CNTN5: variants seen among roughly 807,000 people sequenced by gnomAD.
CNTN5 encodes contactin 5.
A neutral mutation model predicts 129.1 loss-of-function variants in CNTN5; 77 were observed. The observed-to-expected ratio is 0.60, with a 90% CI of 0.50 to 0.72. The LOEUF is 0.72. Ranked by LOEUF, CNTN5 falls within the 30% of genes least tolerant of loss-of-function variation. CNTN5 has a pLI of 0.00. For missense variants in CNTN5, 1,478 were observed against 1,328.8 expected (o/e 1.11, Z -1.75); for synonymous variants, 509 against 465.6 (o/e 1.09, Z -1.20).
intron 1 of CNTN5, among the ~76,000 whole-genome samples, chr11:99,316,523 T>C (rs1042231796): frequency 6.6e-6 from 1 of 151,934 alleles, no homozygotes; most frequent in East Asian, 1.9e-4. Flanking sequence ...AACATTTAGG[T>C]GTTGTATATC....
At chr11:99,103,883 A>T (rs937488024) in intron 1 of CNTN5, among the ~76,000 whole-genome samples, 1 of 152,162 alleles carries the variant, frequency 6.6e-6, no homozygotes, top group Non-Finnish European at 1.5e-5. Context: ...AAGCCACCAG[A>T]AGGTGGAAGA....
chr11:99,409,397 G>T (rs777085676), intron 2 of CNTN5, among the ~76,000 whole-genome samples: 68 of 152,220 alleles, frequency 4.5e-4, no homozygotes, highest in Non-Finnish European at 8.5e-4. Context: ...GAACCCGGGA[G>T]ATGGAGCTTG....
At chr11:99,975,482 C>T (rs117549531) in intron 8 of CNTN5, among the ~76,000 whole-genome samples, 4,170 of 152,234 alleles carry the variant, frequency 0.027, 96 homozygotes, top group Non-Finnish European at 0.039. Context: ...TTAGCCCATT[C>T]TCACACTGCT....
chr11:99,915,340 T>C (rs2136009104), intron 6 of CNTN5, among the ~76,000 whole-genome samples: 1 of 152,234 alleles, frequency 6.6e-6, no homozygotes, highest in African/African-American at 2.4e-5. Context: ...TTTAGGAAAA[T>C]CTTTTCAAAT....
chr11:99,281,637 T>G (rs2135890062), intron 1 of CNTN5, among the ~76,000 whole-genome samples: 1 of 152,130 alleles, frequency 6.6e-6, no homozygotes, highest in South Asian at 2.1e-4. Flanking sequence ...TCATTAGCTT[T>G]ATTGCATCTT....
chr11:99,524,772 C>A (rs1326250578), intron 2 of CNTN5, among the ~76,000 whole-genome samples: 1 of 151,130 alleles, frequency 6.6e-6, no homozygotes, highest in African/African-American at 2.4e-5. Context: ...CACTGCACTC[C>A]AGCCTGGGCG....
At chr11:99,867,550 C>T (rs1948388450) in intron 6 of CNTN5, among the ~76,000 whole-genome samples, 1 of 152,106 alleles carries the variant, frequency 6.6e-6, no homozygotes, top group South Asian at 2.1e-4. Context: ...TGGCTGCTGC[C>T]CACATTTCTT....
At chr11:99,556,587 ATATAT>A (rs1304312634) in intron 3 of CNTN5, among the ~76,000 whole-genome samples, 1 of 135,572 alleles carries the variant, frequency 7.4e-6, no homozygotes, top group Non-Finnish European at 1.6e-5. Flanking sequence ...ATATATATAT[ATATAT>A]ATCTCCCACA....
chr11:99,273,237 A>T (rs1051744462), intron 1 of CNTN5, among the ~76,000 whole-genome samples: 1 of 151,830 alleles, frequency 6.6e-6, no homozygotes, highest in East Asian at 1.9e-4. Context: ...TATATTGCCC[A>T]TGTGATTTTA....
At chr11:99,585,587 TTTCTAA>T (rs1365481849) in intron 3 of CNTN5, among the ~76,000 whole-genome samples, 1 of 152,156 alleles carries the variant, frequency 6.6e-6, no homozygotes, top group Non-Finnish European at 1.5e-5. Flanking sequence ...TCAGTATTGA[TTTCTAA>T]TATAGTAAAA....
chr11:99,626,076 CA>C (rs1416432327), intron 3 of CNTN5, among the ~76,000 whole-genome samples: 25 of 152,088 alleles, frequency 1.6e-4, no homozygotes, highest in Admixed American at 2.6e-4. Flanking sequence ...GTGAAGGACA[CA>C]CAGAGATGTG....
At chr11:100,296,262 C>G (rs569575) in intron 18 of CNTN5, among the ~76,000 whole-genome samples, 16,880 of 151,492 alleles carry the variant, frequency 0.11, 1,370 homozygotes, top group East Asian at 0.26. Context: ...ACAACTATGA[C>G]TACTAATACG....
chr11:99,321,203 T>TACAC (rs35215096), intron 1 of CNTN5, among the ~76,000 whole-genome samples: 2 of 148,380 alleles, frequency 1.3e-5, no homozygotes, highest in East Asian at 2.0e-4. Context: ...TCCAATTGCA[T>TACAC]ACACACACAC....
chr11:99,685,517 T>C (rs1953752521), intron 3 of CNTN5, among the ~76,000 whole-genome samples: 2 of 151,966 alleles, frequency 1.3e-5, no homozygotes, highest in Admixed American at 1.3e-4. Flanking sequence ...CAGCTTTATA[T>C]ATTCTGAGAT....
intron 16 of CNTN5, among the ~76,000 whole-genome samples, chr11:100,234,382 T>G (rs1949557660): frequency 6.6e-6 from 1 of 152,142 alleles, no homozygotes; most frequent in Admixed American, 6.5e-5. Context: ...TTGCAAAGAC[T>G]TGGAACCAAC....
chr11:99,862,258 A>G (rs943405763), intron 6 of CNTN5, among the ~76,000 whole-genome samples: 6 of 152,196 alleles, frequency 3.9e-5, no homozygotes, highest in Admixed American at 2.6e-4. Flanking sequence ...ATTTAATAAT[A>G]CATTCACTTT....
chr11:99,555,488 G>C (rs1360900429), intron 2 of CNTN5, among the ~76,000 whole-genome samples: 1 of 151,882 alleles, frequency 6.6e-6, no homozygotes, highest in Non-Finnish European at 1.5e-5. Context: ...GTGCTATACT[G>C]GTTATTGTTA....
chr11:99,737,939 T>A (rs1027732748), intron 3 of CNTN5, among the ~76,000 whole-genome samples: 1 of 152,174 alleles, frequency 6.6e-6, no homozygotes, highest in Non-Finnish European at 1.5e-5. Context: ...ATAAAATCTT[T>A]GAAATTGTGA....
intron 1 of CNTN5, among the ~76,000 whole-genome samples, chr11:99,232,071 G>A (rs1393176965): frequency 6.6e-6 from 1 of 152,120 alleles, no homozygotes; most frequent in East Asian, 1.9e-4. Context: ...ATAGTTTGAG[G>A]TCAGAAAGCA....
Sources: allele counts gnomAD v4.1 joint callset (sites outside exome capture counted in the v4.1 genomes callset), GRCh38; gene constraint gnomAD v4.1.1; transcripts MANE v1.5; gene names NCBI Gene and HGNC (gene_info 2026-07-23, HGNC 2026-07-21).